The following RGS5 variants were observed in gnomAD, a reference collection of about 807,000 sequenced individuals.
RGS5 encodes the protein regulator of G protein signaling 5.
A neutral mutation model predicts 18.9 loss-of-function variants in RGS5; 20 were observed. The observed-to-expected ratio is 1.06, with a 90% CI of 0.74 to 1.54. The LOEUF (loss-of-function observed/expected upper bound fraction) is 1.54, where lower values mean the gene tolerates loss of function less well. Among genes scored for constraint, RGS5 ranks in the 40% most tolerant of loss-of-function variants. The probability of loss-of-function intolerance (pLI) is 0.00; values close to 1 mark genes in which losing one functional copy is unlikely to be tolerated. For synonymous variants in RGS5, 57 were observed against 76.2 expected, an observed-to-expected ratio of 0.75 and a Z score of 1.31; for missense variants, 201 against 211.8, an observed-to-expected ratio of 0.95 and a Z score of 0.32.
chr1:163,172,539 T>C (rs933646718), intron 1 of RGS5: 2 of 1,547,854 alleles, frequency 1.3e-6, no homozygotes, highest in African/African-American at 2.7e-5. Flanking sequence ...TTCCATTTCT[T>C]CAGAGCAGAC....
chr1:163,175,848 T>G (rs1431302441), intron 1 of RGS5, among the ~76,000 whole-genome samples: 1 of 152,156 alleles, frequency 6.6e-6, no homozygotes, highest in African/African-American at 2.4e-5. Context: ...CCTCGGGTGC[T>G]CCAAATGATA....
intron 1 of RGS5, among the ~76,000 whole-genome samples, chr1:163,208,144 A>G (rs1659992421): frequency 6.6e-6 from 1 of 151,902 alleles, no homozygotes; most frequent in African/African-American, 2.4e-5. Context: ...ACAGTTTTTA[A>G]GAAAGATAGC....
At chr1:163,193,154 C>T (rs1659426354) in intron 1 of RGS5, among the ~76,000 whole-genome samples, 1 of 152,108 alleles carries the variant, frequency 6.6e-6, no homozygotes, top group South Asian at 2.1e-4. Context: ...ATGATAGTTC[C>T]AATGTCTTTC....
chr1:163,257,874 A>G (rs1338113206), intron 2 of RGS5, among the ~76,000 whole-genome samples: 1 of 152,174 alleles, frequency 6.6e-6, no homozygotes, highest in Non-Finnish European at 1.5e-5. Context: ...TAATTTTTGC[A>G]TAATTTTCCC....
At chr1:163,265,972 C>G (rs1225728008) in intron 2 of RGS5, among the ~76,000 whole-genome samples, 1 of 152,134 alleles carries the variant, frequency 6.6e-6, no homozygotes, top group Non-Finnish European at 1.5e-5. Context: ...GTGCAGATTA[C>G]ACTTTCAGCC....
At chr1:163,317,312 C>T (rs1386052508) in intron 1 of RGS5, among the ~76,000 whole-genome samples, 1 of 152,188 alleles carries the variant, frequency 6.6e-6, no homozygotes, top group African/African-American at 2.4e-5. Flanking sequence ...GCTGTGGATA[C>T]ATGACAGCAA....
chr1:163,190,517 C>T (rs1416652801), intron 1 of RGS5, among the ~76,000 whole-genome samples: 1 of 152,114 alleles, frequency 6.6e-6, no homozygotes, highest in East Asian at 1.9e-4. Flanking sequence ...GAGAAGATAC[C>T]AGCAGGGAGC....
chr1:163,229,460 G>A (rs981994896), intron 2 of RGS5, among the ~76,000 whole-genome samples: 5 of 152,174 alleles, frequency 3.3e-5, no homozygotes, highest in Admixed American at 6.6e-5. Flanking sequence ...TGTGGGTGGG[G>A]ACACAGAGCC....
intron 3 of RGS5, among the ~76,000 whole-genome samples, chr1:163,155,532 G>T (rs180894570): frequency 6.6e-6 from 1 of 152,144 alleles, no homozygotes; most frequent in Non-Finnish European, 1.5e-5. Flanking sequence ...TCTCTAGAGG[G>T]TCCCTCTAAA....
intron 2 of RGS5, chr1:163,162,677 A>G (rs563082035): frequency 6.6e-6 from 1 of 152,208 alleles, no homozygotes; most frequent in Admixed American, 6.5e-5. Flanking sequence ...TCAAAAGGAG[A>G]AGGTTATAGC....
At chr1:163,266,948 A>G (rs757689544) in intron 2 of RGS5, among the ~76,000 whole-genome samples, 1 of 152,178 alleles carries the variant, frequency 6.6e-6, no homozygotes, top group Non-Finnish European at 1.5e-5. Flanking sequence ...ATTATAAAAA[A>G]TAGGGTTGAA....
Position 163,143,942 on chromosome 1 carries a change from T to C in RGS5, c.*3400A>G, listed in dbSNP as rs1009316565. 1.1e-4 allele frequency: 17 copies of C among 152,128 alleles called. No individual in the cohort carries two copies. The highest frequency in any genetic ancestry group is 2.4e-4 in the Non-Finnish European group (16 of 68,000). 9.4% of individuals were successfully genotyped at this position (152,128 alleles called of 1,614,324 possible). ...AACAGCTCCATCCTATTGAAATGGC[T>C]TGTGTACAGAGCACACATCAACCAA... On this transcript the variant is annotated 3_prime_UTR_variant, in exon 5 of 5. Transcript: ENST00000313961.
Position 163,147,374 on chromosome 1 carries a change from G to T in RGS5, c.514C>A (p.Arg172Ser). Residue 172 changes from arginine (R) to serine (S), a missense_variant, in exon 5 of 5, where the codon CGC becomes AGC. Coordinates refer to ENST00000313961, the MANE Select transcript of RGS5 (RefSeq NM_003617.4). ...MEKDSLPRFV[R>S]SEFYQELIK ...ATTAACTCCTGATAAAACTCAGAGC[G>T]CACAAAGCGAGGCAGAGAATCCTTT... 1.2e-6 allele frequency: 2 copies of T among 1,608,866 alleles called. No homozygotes were observed. The highest frequency in any genetic ancestry group is 1.7e-6 in the Non-Finnish European group (2 of 1,177,864).
intron 2 of RGS5, among the ~76,000 whole-genome samples, chr1:163,302,686 G>A (rs1208281625): frequency 6.6e-6 from 1 of 152,072 alleles, no homozygotes; most frequent in Non-Finnish European, 1.5e-5. Flanking sequence ...TCAAACCACA[G>A]TCAAACCAAA....
intron 1 of RGS5, chr1:163,172,698 TAA>T: frequency 8.2e-7 from 1 of 1,225,058 alleles, no homozygotes. Context: ...ATTATAAAGT[TAA>T]GAGTATTTAA....
At chr1:163,209,028 T>TG (rs1660035748) in intron 1 of RGS5, among the ~76,000 whole-genome samples, 3 of 152,298 alleles carry the variant, frequency 2.0e-5, no homozygotes, top group African/African-American at 7.2e-5. Context: ...AAAATTAGGA[T>TG]ATAACAATTC....
intron 2 of RGS5, among the ~76,000 whole-genome samples, chr1:163,167,921 A>G (rs912646353): frequency 1.3e-5 from 2 of 152,228 alleles, no homozygotes; most frequent in African/African-American, 4.8e-5. Flanking sequence ...TTACCAAGGC[A>G]GTAAATGAGC....
chr1:163,284,880 G>T (rs897707095), intron 2 of RGS5, among the ~76,000 whole-genome samples: 7 of 151,396 alleles, frequency 4.6e-5, no homozygotes, highest in Non-Finnish European at 1.0e-4. Flanking sequence ...GTATTAGTCC[G>T]TTTTTATGCT....
intron 2 of RGS5, among the ~76,000 whole-genome samples, chr1:163,264,388 A>G (rs1415322018): frequency 2.0e-5 from 3 of 152,150 alleles, no homozygotes; most frequent in Non-Finnish European, 4.4e-5. Flanking sequence ...TACTTGATAG[A>G]TTGCGAAAAT....
Sources: allele counts gnomAD v4.1 joint callset (sites outside exome capture counted in the v4.1 genomes callset), GRCh38; gene constraint gnomAD v4.1.1; transcripts MANE v1.5; gene names NCBI Gene and HGNC (gene_info 2026-07-23, HGNC 2026-07-21).